Variants in COL3A1 observed in about 807,000 individuals in gnomAD.
COL3A1 encodes collagen alpha-1(III) chain.
COL3A1 carries 46 observed loss-of-function variants against 200.9 expected under a neutral mutation model. That is an observed-to-expected ratio of 0.23 (90% CI 0.18 to 0.29). The LOEUF is 0.29. COL3A1 is among the 10% of genes least tolerant of loss of function. The pLI is 1.00. For synonymous variants in COL3A1, 650 were observed against 628.0 expected (o/e 1.03, Z -0.52); for missense variants, 1,367 against 1,917.6 (o/e 0.71, Z 5.36).
intron 38 of COL3A1, 80 bp downstream of exon 38, chr2:189,003,867 A>T: frequency 6.3e-7 from 1 of 1,577,378 alleles, no homozygotes; most frequent in Non-Finnish European, 8.7e-7. Flanking sequence ...AAACTTACAC[A>T]TTGCTACTTA....
At chr2:189,007,808 T>C in intron 45 of COL3A1, 77 bp from the exon 46 acceptor site, 1 of 1,534,624 alleles carries the variant, frequency 6.5e-7, no homozygotes, top group Non-Finnish European at 9.0e-7. Context: ...CCCATGTTTC[T>C]TGATCTGATC....
chr2:188,999,624 G>C, intron 31 of COL3A1, 47 bp downstream of exon 31: 1 of 1,591,248 alleles, frequency 6.3e-7, no homozygotes, highest in Non-Finnish European at 8.6e-7. Context: ...AGTCATTGTA[G>C]GTTTTAAAAA....
rs745656610 is a variant in COL3A1 at position 189,010,709 on chromosome 2, G to A, written c.4073G>A (p.Arg1358Gln). 1.4e-5 allele frequency: 22 copies of A among 1,614,072 alleles called. 1 individual carries two copies. The highest frequency in any genetic ancestry group is 1.1e-4 in the East Asian group (5 of 44,878). Reference protein sequence around the residue: ...DVLDVHLAFLRLLSSRASQNI... With the variant: ...DVLDVHLAFLQLLSSRASQNI... ...CTTGATGTGCATCTGGCATTCCTTC[G>A]ACTTCTCTCCAGCCGAGCTTCCCAG... Residue 1358 changes from arginine to glutamine, a missense_variant, in exon 50 of 51, where the codon CGA (arginine) becomes CAA (glutamine). Arg to Gln is a conservative substitution (Grantham distance 43). This residue lies in a region of COL3A1 where 846 missense variants were observed against 1,147.9 expected (regional missense o/e 0.74). Coordinates refer to ENST00000304636, the MANE Select transcript of COL3A1 (RefSeq NM_000090.4).
intron 13 of COL3A1, 101 bp downstream of exon 13, chr2:188,991,823 C>A: frequency 8.3e-7 from 1 of 1,201,720 alleles, no homozygotes; most frequent in Non-Finnish European, 1.2e-6. Flanking sequence ...GGAAAAAGAC[C>A]TTCCTACAAA....
chr2:188,977,396 T>C (rs1187965077), intron 1 of COL3A1, among the ~76,000 whole-genome samples: 1 of 152,116 alleles, frequency 6.6e-6, no homozygotes, highest in African/African-American at 2.4e-5. Context: ...GAGAATCAGT[T>C]TCTTATTAGA....
At chr2:189,011,538 A>T in intron 50 of COL3A1, 90 bp from the exon 51 acceptor site, 1 of 1,461,470 alleles carries the variant, frequency 6.8e-7, no homozygotes, top group Non-Finnish European at 9.6e-7. Flanking sequence ...ATGCTTCTTT[A>T]GAGTAAAAAG....
At chr2:188,999,959 T>C in intron 32 of COL3A1, 64 bp downstream of exon 32, 1 of 1,505,138 alleles carries the variant, frequency 6.6e-7, no homozygotes, top group South Asian at 1.2e-5. Context: ...GTCCTGCACT[T>C]CAACTTTAAT....
At position 188,984,999 on chromosome 2, in the gene COL3A1, A is replaced by T. The variant is rs1272141720; in HGVS notation, c.282+37A>T. 4 of 1,587,582 alleles carry T rather than the reference A, an allele frequency of 2.5e-6. No homozygotes were observed. In the Admixed American group the frequency reaches 6.7e-5, roughly 27 times the overall value. ...GATAAACTGTACATCTTCAATATTC[A>T]TATTTAGACACATGAATAGCTCCTA... is the stretch of plus-strand genomic sequence containing the variant. On this transcript the variant is annotated intron_variant, in intron 2 of 50. Coordinates refer to ENST00000304636, the MANE Select transcript of COL3A1 (RefSeq NM_000090.4).
intron 5 of COL3A1, among the ~76,000 whole-genome samples, chr2:188,987,700 A>G (rs1688092811): frequency 6.6e-6 from 1 of 152,080 alleles, no homozygotes; most frequent in East Asian, 1.9e-4. Context: ...TAGTGTGCCA[A>G]TAAATGTTTT....
chr2:189,011,009 A>T, intron 50 of COL3A1, 119 bp downstream of exon 50: 1 of 1,309,892 alleles, frequency 7.6e-7, no homozygotes, highest in East Asian at 2.5e-5. Flanking sequence ...AGCATTTGGT[A>T]TGAATTACAT....
chr2:189,007,814 T>C (rs1193273047), intron 45 of COL3A1, 71 bp from the exon 46 acceptor site: 4 of 1,551,488 alleles, frequency 2.6e-6, no homozygotes, highest in Non-Finnish European at 8.9e-7. Flanking sequence ...TTTCTTGATC[T>C]GATCTTGAAT....
chr2:189,007,411 A>G, intron 44 of COL3A1, 89 bp from the exon 45 acceptor site: 1 of 1,058,440 alleles, frequency 9.4e-7, no homozygotes, highest in Non-Finnish European at 1.4e-6. Flanking sequence ...ATAGAAAGCC[A>G]TAAAATAGAT....
rs1209735053 is a variant in COL3A1, at chr2:188,994,669, T to C, written c.1348-55T>C. ...AATTAGAAAGTAAACAGGTAAAAAC[T>C]TTGAACTAAATTCAGTCATAATTTC... On this transcript the variant is annotated intron_variant, in intron 19 of 50. Transcript: ENST00000304636. The surrounding 1 kb of genome is among the most constrained non-coding windows in gnomAD (Gnocchi z 4.5). The C allele has an allele frequency of 2.5e-6, 4 of 1,612,432 alleles. No homozygotes were observed. In the African/African-American group the frequency reaches 5.3e-5, roughly 22 times the overall value.
In COL3A1 at chr2:188,991,693, C is replaced by T; in HGVS notation, c.922C>T (p.Arg308Ter). 1.9e-6 allele frequency: 3 copies of T among 1,613,926 alleles called. No individual in the cohort carries two copies. The highest frequency in any genetic ancestry group is 2.5e-6 in the Non-Finnish European group (3 of 1,179,922). Residue 308 changes from arginine to a stop codon, truncating the protein, a stop_gained, in exon 13 of 51, where the codon CGA (arginine) becomes TGA (stop). Transcript: ENST00000304636. LOFTEE classifies it high-confidence loss of function. ...PMGPRGAPGE[R>*]GRPGLPGAAG... is the part of the protein sequence containing the mutation. Reference sequence around the variant, plus strand: ...GGGTCCAAGAGGGGCTCCTGGTGAGCGAGGACGGCCAGGACTTCCTGGGGC... The same window carrying T: ...GGGTCCAAGAGGGGCTCCTGGTGAGTGAGGACGGCCAGGACTTCCTGGGGC...
rs746891316 is a variant in COL3A1, at chr2:188,990,977, A to T, written c.799-27A>T. On this transcript the variant is annotated intron_variant, in intron 10 of 50. Coordinates refer to ENST00000304636, the MANE Select transcript of COL3A1 (RefSeq NM_000090.4). Reference sequence around the variant, plus strand: ...TCTAGATTATTAACAGATTTTAATAATTTTGCTGGTTTTATACATTTCCTA... The same window carrying T: ...TCTAGATTATTAACAGATTTTAATATTTTTGCTGGTTTTATACATTTCCTA... 16 of 1,607,888 alleles carry T rather than the reference A, an allele frequency of 1.0e-5. No individual in the cohort carries two copies. The East Asian group carries it at 3.1e-4, about 31-fold the overall frequency.
Position 188,994,033 on chromosome 2 carries a change from C to T in COL3A1, c.1150-5C>T, listed in dbSNP as rs748293655. On this transcript the variant is annotated splice_region_variant and splice_polypyrimidine_tract_variant and intron_variant, in intron 16 of 50. Transcript: ENST00000304636. The surrounding 1 kb of genome is among the most constrained non-coding windows in gnomAD (Gnocchi z 4.5). ...TAATACATTATCTGTTTTTTGTATA[C>T]TTAGGGCCCTCCTGGGATTAATGGT... 6.2e-7 allele frequency: 1 copy of T among 1,613,662 alleles called. No homozygotes were observed. Among genetic ancestry groups the T allele is most frequent in the South Asian group, 1.1e-5 (1 of 91,066 alleles).
intron 1 of COL3A1, among the ~76,000 whole-genome samples, chr2:188,976,281 T>A (rs1443714465): frequency 6.6e-6 from 1 of 151,128 alleles, no homozygotes; most frequent in Non-Finnish European, 1.5e-5. Context: ...CCAATCCAAC[T>A]TTAGTGGGGG....
In COL3A1 at chr2:189,008,968, T is replaced by A. The variant is rs1688657949; in HGVS notation, c.3570T>A (p.Pro1190=). The change falls in exon 48 of 51, where the codon CCT becomes CCA. Residue 1190 remains proline (P), a synonymous_variant. Coordinates refer to ENST00000304636, the MANE Select transcript of COL3A1 (RefSeq NM_000090.4). ...GGCAACCAGGCCCTCCTGGACCTCCTGGTGCCCCTGGTCCTTGCTGTGGTG... is the reference window on the plus strand; with the variant it reads ...GGCAACCAGGCCCTCCTGGACCTCCAGGTGCCCCTGGTCCTTGCTGTGGTG... ...HPGQPGPPGP[P]GAPGPCCGGV... is the part of the protein sequence containing the mutation. 2 of 1,614,180 alleles carry A rather than the reference T, an allele frequency of 1.2e-6. No individual in the cohort carries two copies. Among genetic ancestry groups the A allele is most frequent in the Non-Finnish European group, 1.7e-6 (2 of 1,180,016 alleles).
chr2:188,999,656 A>T lies in COL3A1; in HGVS notation c.2229+79A>T. 3 of 1,439,134 alleles carry T rather than the reference A, an allele frequency of 2.1e-6. No homozygotes were observed. The South Asian group carries it at 3.5e-5, about 17-fold the overall frequency. 89.1% of individuals were successfully genotyped at this position (1,439,134 alleles called of 1,614,324 possible). A position where few individuals can be genotyped will look rare whatever the true frequency, so the allele number is the denominator to read the frequency against. ...AAAAAAGCAACACTCCTGGAAAGTA[A>T]TCGACTGTATTTTCAAAATTAATGT... On this transcript the variant is annotated intron_variant, in intron 31 of 50. Coordinates refer to ENST00000304636, the MANE Select transcript of COL3A1 (RefSeq NM_000090.4).
Sources: gnomAD v4.1 joint callset for allele counts (sites outside exome capture counted in the v4.1 genomes callset) on GRCh38, gnomAD v4.1.1 for gene constraint, gnomAD v4.1.1 regional missense constraint, Gnocchi (gnomAD v3.1) non-coding constraint, MANE v1.5 for transcripts, NCBI Gene and HGNC (gene_info 2026-07-23, HGNC 2026-07-21) for gene names.